The following TRERF1 variants were observed in gnomAD, a reference collection of about 807,000 sequenced individuals.
TRERF1 encodes transcriptional-regulating factor 1.
A neutral mutation model predicts 122.9 loss-of-function variants in TRERF1; 27 were observed. The observed-to-expected ratio is 0.22, with a 90% CI of 0.16 to 0.30. TRERF1 has a LOEUF of 0.30. Ranked by LOEUF, TRERF1 falls within the 10% of genes least tolerant of loss-of-function variation. The pLI is 1.00. For missense variants in TRERF1, 1,248 were observed against 1,560.3 expected, an observed-to-expected ratio of 0.80 and a Z score of 3.37; for synonymous variants, 636 against 641.7, an observed-to-expected ratio of 0.99 and a Z score of 0.13.
intron 3 of TRERF1, among the ~76,000 whole-genome samples, chr6:42,348,520 T>C (rs1283560162): frequency 6.6e-6 from 1 of 152,180 alleles, no homozygotes; most frequent in Non-Finnish European, 1.5e-5. Flanking sequence ...CCCAAAGTGC[T>C]GGGATTACAG....
intron 3 of TRERF1, among the ~76,000 whole-genome samples, chr6:42,339,113 T>C (rs1389265314): frequency 6.6e-6 from 1 of 152,226 alleles, no homozygotes; most frequent in Non-Finnish European, 1.5e-5. Flanking sequence ...GCGGAAAGAC[T>C]GAAAACTCTT....
At chr6:42,312,768 T>A (rs1350906754) in intron 3 of TRERF1, among the ~76,000 whole-genome samples, 3 of 152,094 alleles carry the variant, frequency 2.0e-5, no homozygotes, top group Non-Finnish European at 4.4e-5. Context: ...ATGCACTGGG[T>A]CTTAGTGCCG....
At chr6:42,238,189 T>C (rs1405476794) in intron 15 of TRERF1, among the ~76,000 whole-genome samples, 1 of 152,352 alleles carries the variant, frequency 6.6e-6, no homozygotes, top group East Asian at 1.9e-4. Context: ...AAGTAGCCCA[T>C]GGCCTACAGT....
At chr6:42,403,614 C>A (rs1410590173) in intron 2 of TRERF1, among the ~76,000 whole-genome samples, 1 of 152,146 alleles carries the variant, frequency 6.6e-6, no homozygotes, top group East Asian at 1.9e-4. Flanking sequence ...ATTTCTGTTG[C>A]TTTGAGTCAT....
At chr6:42,243,385 T>A (rs752547035) in intron 14 of TRERF1, 24 bp from the exon 15 acceptor site, 3 of 1,554,462 alleles carry the variant, frequency 1.9e-6, no homozygotes, top group South Asian at 1.1e-5. Flanking sequence ...GAACTCAAGG[T>A]TAGCTCCAGC....
chr6:42,243,406 G>T, intron 14 of TRERF1, 45 bp from the exon 15 acceptor site: 2 of 1,329,964 alleles, frequency 1.5e-6, no homozygotes, highest in Non-Finnish European at 2.2e-6. Flanking sequence ...AATGGGCAGA[G>T]AGCAAAGGTA....
intron 3 of TRERF1, among the ~76,000 whole-genome samples, chr6:42,320,718 C>T (rs1022536995): frequency 1.3e-5 from 2 of 152,094 alleles, no homozygotes; most frequent in African/African-American, 2.4e-5. Flanking sequence ...GCCATGTTGG[C>T]GAGGCTGTCT....
At chr6:42,428,599 T>C (rs1241084240) in intron 2 of TRERF1, among the ~76,000 whole-genome samples, 2 of 152,224 alleles carry the variant, frequency 1.3e-5, no homozygotes, top group African/African-American at 4.8e-5. Flanking sequence ...TCTGTGAGAC[T>C]GGCCTATCCC....
intron 3 of TRERF1, among the ~76,000 whole-genome samples, chr6:42,353,622 C>T (rs1182098712): frequency 6.6e-6 from 1 of 151,968 alleles, no homozygotes; most frequent in Non-Finnish European, 1.5e-5. Context: ...AAAAAAAAGA[C>T]AACTCAGCTA....
Position 42,228,363 on chromosome 6 carries a change from C to G in TRERF1, c.3585G>C (p.Gln1195His). 1 of 1,613,250 alleles carries G rather than the reference C, an allele frequency of 6.2e-7. No homozygotes were observed. The highest frequency in any genetic ancestry group is 1.7e-4 in the Middle Eastern group (1 of 6,050). Residue 1195 changes from glutamine (Q) to histidine (H), a missense_variant, in exon 18 of 18, where the codon CAG becomes CAC. Physicochemically the swap from Gln to His is conservative, Grantham distance 24. This residue lies in a region of TRERF1 where 84 missense variants were observed against 116.0 expected (regional missense o/e 0.72). Coordinates refer to ENST00000372922, the Ensembl canonical transcript of TRERF1. This position sits in a 1 kb window ranked among gnomAD's most constrained non-coding sequence, Gnocchi z 4.2. ...CAGGGCTTTATAGTTCTGCGTCACC[C>G]TGAAGCAAGACTGAATCTTGATCAT...
chr6:42,338,966 C>G (rs1766725735), intron 3 of TRERF1, among the ~76,000 whole-genome samples: 1 of 152,214 alleles, frequency 6.6e-6, no homozygotes, highest in Non-Finnish European at 1.5e-5. Context: ...TCCTGCCCAC[C>G]TCCACTAGAG....
At chr6:42,387,408 C>A (rs145062544) in intron 2 of TRERF1, among the ~76,000 whole-genome samples, 4 of 152,304 alleles carry the variant, frequency 2.6e-5, no homozygotes, top group Admixed American at 2.0e-4. Context: ...TTCTGTAGCC[C>A]CTCCAACATA....
At chr6:42,418,192 T>TTTCTCTCC (rs1491369415) in intron 2 of TRERF1, among the ~76,000 whole-genome samples, 3 of 147,926 alleles carry the variant, frequency 2.0e-5, no homozygotes, top group Admixed American at 6.8e-5. Flanking sequence ...TCTTTCTCTC[T>TTTCTCTCC]TTCTCTCCTT....
chr6:42,331,682 AG>A (rs1344287642), intron 3 of TRERF1, among the ~76,000 whole-genome samples: 1 of 152,166 alleles, frequency 6.6e-6, no homozygotes, highest in Non-Finnish European at 1.5e-5. Flanking sequence ...CTAATTAGCC[AG>A]GGGAGGGCAC....
intron 14 of TRERF1, 68 bp from the exon 15 acceptor site, chr6:42,243,429 G>T: frequency 8.7e-7 from 1 of 1,145,314 alleles, no homozygotes; most frequent in Non-Finnish European, 1.3e-6. Flanking sequence ...AAGCATTTTT[G>T]AATATTTAAT....
intron 2 of TRERF1, among the ~76,000 whole-genome samples, chr6:42,364,993 G>A (rs933878134): frequency 6.6e-6 from 1 of 152,150 alleles, no homozygotes; most frequent in African/African-American, 2.4e-5. Context: ...GAAACCAGGT[G>A]GGAACGAGCC....
exon 18 of TRERF1, chr6:42,226,603 A>G (rs1429563254): frequency 6.6e-6 from 1 of 152,238 alleles, no homozygotes; most frequent in African/African-American, 2.4e-5. Flanking sequence ...AAATAGAATG[A>G]TGGAAAAGAA....
At chr6:42,305,432 A>G (rs575554188) in intron 3 of TRERF1, among the ~76,000 whole-genome samples, 1 of 152,278 alleles carries the variant, frequency 6.6e-6, no homozygotes, top group African/African-American at 2.4e-5. Flanking sequence ...CACAGGCCAC[A>G]CTGCTGTCTG....
chr6:42,251,726 C>T (rs1422883910), intron 13 of TRERF1, among the ~76,000 whole-genome samples: 1 of 152,160 alleles, frequency 6.6e-6, no homozygotes, highest in East Asian at 1.9e-4. Context: ...GCTTCCAAGG[C>T]AGAAGAGACA....
Sources: allele counts gnomAD v4.1 joint callset (sites outside exome capture counted in the v4.1 genomes callset), GRCh38; gene constraint gnomAD v4.1.1; regional missense constraint gnomAD v4.1.1; non-coding constraint Gnocchi (gnomAD v3.1); transcripts MANE v1.5; gene names NCBI Gene and HGNC (gene_info 2026-07-23, HGNC 2026-07-21).